Variants in EXOC4 observed in about 807,000 individuals in gnomAD.
EXOC4 encodes SEC8-like 1.
A neutral mutation model predicts 107.2 loss-of-function variants in EXOC4; 71 were observed. That is an observed-to-expected ratio of 0.66 (90% CI 0.55 to 0.81). EXOC4 has a LOEUF of 0.81. EXOC4 is among the 30% of genes least tolerant of loss of function. The pLI is 0.00. For missense variants in EXOC4, 1,108 were observed against 1,189.6 expected (o/e 0.93, Z 1.01); for synonymous variants, 456 against 441.2 (o/e 1.03, Z -0.42).
At chr7:133,359,460 C>G (rs1249697338) in intron 6 of EXOC4, among the ~76,000 whole-genome samples, 1 of 152,060 alleles carries the variant, frequency 6.6e-6, no homozygotes, top group Non-Finnish European at 1.5e-5. Flanking sequence ...GTTTACCATT[C>G]AAGGAATTTT....
chr7:133,752,643 TTAAAAAC>T (rs1441458773), intron 10 of EXOC4, among the ~76,000 whole-genome samples: 1 of 152,130 alleles, frequency 6.6e-6, no homozygotes, highest in Non-Finnish European at 1.5e-5. Flanking sequence ...TGATCACTGT[TTAAAAAC>T]AAAAAACAAA....
rs1456522741 is a variant in EXOC4 at position 134,013,987 on chromosome 7, CAT to C, written c.2687+6154_2687+6155del. 9.9e-5 allele frequency among the ~76,000 whole-genome samples: 15 copies of C among 152,244 alleles called. No individual in the cohort carries two copies. The East Asian group carries it at 1.5e-3, about 16-fold the overall frequency. On this transcript the variant is annotated intron_variant, in intron 17 of 17. Transcript: ENST00000253861. Reference sequence around the variant, plus strand: ...TGCATCATTTCCTCAAAAAGTTAAACATAGAGTTATGGTATGACCTAGGAATT... The same window carrying C: ...TGCATCATTTCCTCAAAAAGTTAAACAGAGTTATGGTATGACCTAGGAATT...
intron 10 of EXOC4, among the ~76,000 whole-genome samples, chr7:133,769,444 G>C (rs1328389348): frequency 6.6e-6 from 1 of 151,828 alleles, no homozygotes; most frequent in Non-Finnish European, 1.5e-5. Context: ...ACTTTGAACA[G>C]ACATGTTTTT....
At chr7:133,827,777 G>A (rs1283121504) in intron 11 of EXOC4, among the ~76,000 whole-genome samples, 1 of 152,132 alleles carries the variant, frequency 6.6e-6, no homozygotes, top group Non-Finnish European at 1.5e-5. Context: ...GAATGAACTG[G>A]AGGACTTTAT....
chr7:133,769,398 G>A (rs1796201926), intron 10 of EXOC4, among the ~76,000 whole-genome samples: 1 of 151,772 alleles, frequency 6.6e-6, no homozygotes. Flanking sequence ...AAAGTGGAAA[G>A]TTTCATTCCC....
intron 11 of EXOC4, among the ~76,000 whole-genome samples, chr7:133,844,205 C>T (rs867004019): frequency 1.3e-5 from 2 of 151,934 alleles, no homozygotes; most frequent in African/African-American, 4.8e-5. Flanking sequence ...GTCCCTCCTT[C>T]TCAATTTTTT....
In EXOC4 at chr7:133,329,675, A is replaced by C. The variant is rs142544737; in HGVS notation, c.763+12285A>C. On this transcript the variant is annotated intron_variant, in intron 5 of 17. Coordinates refer to ENST00000253861, the MANE Select transcript of EXOC4 (RefSeq NM_021807.4). ...TGTGTTAGTTTTCCTTCTAACAGTCAGGACCCTCTGCTGTAGGTCTGCTGG... is the reference window on the plus strand; with the variant it reads ...TGTGTTAGTTTTCCTTCTAACAGTCCGGACCCTCTGCTGTAGGTCTGCTGG... 2.4e-4 allele frequency among the ~76,000 whole-genome samples: 37 copies of C among 152,308 alleles called. No individual in the cohort carries two copies. The East Asian group carries it at 7.2e-3, about 29-fold the overall frequency.
At chr7:133,597,446 C>G (rs978839244) in intron 9 of EXOC4, among the ~76,000 whole-genome samples, 1 of 150,266 alleles carries the variant, frequency 6.7e-6, no homozygotes, top group Non-Finnish European at 1.5e-5. Flanking sequence ...CCCAGCTGCT[C>G]GGCAGGCTGA....
intron 9 of EXOC4, among the ~76,000 whole-genome samples, chr7:133,611,361 G>T (rs1802072885): frequency 6.6e-6 from 1 of 152,144 alleles, no homozygotes; most frequent in African/African-American, 2.4e-5. Context: ...GCATTTTGAA[G>T]CTAGACTTTA....
Position 133,951,580 on chromosome 7 carries a change from C to T in EXOC4, c.2206+13511C>T, listed in dbSNP as rs76589375. Reference sequence around the variant, plus strand: ...CCAAATCTGCCCTCTGTTTATTTCCCCCTACTCCTGTCCTTCCTGTTGATA... The same window carrying T: ...CCAAATCTGCCCTCTGTTTATTTCCTCCTACTCCTGTCCTTCCTGTTGATA... On this transcript the variant is annotated intron_variant, in intron 14 of 17. Coordinates refer to ENST00000253861, the MANE Select transcript of EXOC4 (RefSeq NM_021807.4). 1.9e-3 allele frequency among the ~76,000 whole-genome samples: 296 copies of T among 152,282 alleles called. 10 individuals carry two copies. In the East Asian group the frequency reaches 0.051, roughly 26 times the overall value.
intron 7 of EXOC4, among the ~76,000 whole-genome samples, chr7:133,388,580 G>A (rs1035126313): frequency 2.0e-5 from 3 of 152,118 alleles, no homozygotes; most frequent in African/African-American, 7.2e-5. Context: ...AACCGGGGAG[G>A]TGGAGGCTGC....
chr7:134,071,221 G>A (rs1277277582), downstream of EXOC4, among the ~76,000 whole-genome samples: 1 of 152,108 alleles, frequency 6.6e-6, no homozygotes, highest in Non-Finnish European at 1.5e-5. Flanking sequence ...CGGATTAAGG[G>A]CTTTGCACCA....
At chr7:134,002,865 G>T (rs6467514) in intron 15 of EXOC4, among the ~76,000 whole-genome samples, 110,052 of 151,958 alleles carry the variant, frequency 0.72, 40,472 homozygotes, top group East Asian at 0.91. Flanking sequence ...TTTGTATACT[G>T]CCAGTAAGTA....
At chr7:133,692,158 C>G (rs1187230316) in intron 10 of EXOC4, among the ~76,000 whole-genome samples, 1 of 152,068 alleles carries the variant, frequency 6.6e-6, no homozygotes, top group African/African-American at 2.4e-5. Context: ...AAAAAAACTA[C>G]CTTAGCGCCA....
chr7:133,835,719 A>T (rs1285190663), intron 11 of EXOC4, among the ~76,000 whole-genome samples: 1 of 152,192 alleles, frequency 6.6e-6, no homozygotes, highest in Non-Finnish European at 1.5e-5. Context: ...ATCATGCTAT[A>T]GTTCATATAT....
At chr7:133,345,144 C>A (rs990715607) in intron 5 of EXOC4, among the ~76,000 whole-genome samples, 1 of 152,084 alleles carries the variant, frequency 6.6e-6, no homozygotes, top group Non-Finnish European at 1.5e-5. Flanking sequence ...TATTTTTCTT[C>A]ATTTTGAGTT....
chr7:133,697,783 G>A (rs1407202288), intron 10 of EXOC4, among the ~76,000 whole-genome samples: 3 of 152,182 alleles, frequency 2.0e-5, no homozygotes, highest in Non-Finnish European at 4.4e-5. Flanking sequence ...TGGCTAACCC[G>A]ACTTGATAGG....
At chr7:133,961,138 A>G (rs1440944540) in intron 14 of EXOC4, among the ~76,000 whole-genome samples, 3 of 152,168 alleles carry the variant, frequency 2.0e-5, no homozygotes, top group Non-Finnish European at 4.4e-5. Flanking sequence ...GAGTAATGCA[A>G]TGTGAGAAAG....
At chr7:133,342,640 C>G (rs1410928126) in intron 5 of EXOC4, among the ~76,000 whole-genome samples, 1 of 149,888 alleles carries the variant, frequency 6.7e-6, no homozygotes, top group Non-Finnish European at 1.5e-5. Flanking sequence ...GATTTTTCTT[C>G]TTCCTCAGGA....
Sources: allele counts gnomAD v4.1 joint callset (sites outside exome capture counted in the v4.1 genomes callset), GRCh38; gene constraint gnomAD v4.1.1; transcripts MANE v1.5; gene names NCBI Gene and HGNC (gene_info 2026-07-23, HGNC 2026-07-21).